PDZD4: variants seen among roughly 807,000 people sequenced by gnomAD.
PDZD4 encodes the protein PDZ domain-containing protein 4.
PDZD4 carries 9 observed loss-of-function variants against 38.5 expected under a neutral mutation model. The observed-to-expected ratio is 0.23, with a 90% CI of 0.14 to 0.41. The LOEUF is 0.41. PDZD4 is among the 10% of genes least tolerant of loss of function. The pLI, the probability that PDZD4 is intolerant of heterozygous loss-of-function variation, is 1.00. For synonymous variants in PDZD4, 349 were observed against 315.7 expected, an observed-to-expected ratio of 1.11 and a Z score of -1.12; for missense variants, 612 against 722.0, an observed-to-expected ratio of 0.85 and a Z score of 1.75.
Position 153,802,448 on chromosome X carries a change from T to A in PDZD4, c.*905A>T, listed in dbSNP as rs782498615. On this transcript the variant is annotated 3_prime_UTR_variant, in exon 8 of 8. Transcript: ENST00000393758. ...TCATGGGGCTTGGTTTCTAGAGCCC[T>A]CACCATCTAAGCACCTTCCTCAGTT... 2 of 111,470 alleles carry A rather than the reference T, an allele frequency of 1.8e-5. No individual in the cohort carries two copies. Among genetic ancestry groups the A allele is most frequent in the Admixed American group, 1.9e-4 (2 of 10,553 alleles). 9.2% of individuals were successfully genotyped at this position (111,470 alleles called of 1,213,427 possible).
In PDZD4 at chrX:153,804,011, T is replaced by C; in HGVS notation, c.1670A>G (p.Lys557Arg). 8.6e-7 allele frequency: 1 copy of C among 1,161,342 alleles called. No homozygotes were observed. The highest frequency in any genetic ancestry group is 1.1e-6 in the Non-Finnish European group (1 of 871,417). ...HAEERGRRNPKTGLTLERVGP... is the reference protein window; with the variant it reads ...HAEERGRRNPRTGLTLERVGP... ...CACACGCTCCAGGGTCAACCCCGTC[T>C]TGGGGTTGCGGCGGCCGCGCTCCTC... The change falls in exon 8 of 8, where the codon AAG becomes AGG. Residue 557 changes from lysine (K) to arginine (R), a missense_variant. Transcript: ENST00000393758.
rs376825546 is a variant in PDZD4 at position 153,804,891 on chromosome X, C to T, written c.790G>A (p.Glu264Lys). The change falls in exon 8 of 8, where the codon GAA (glutamate) becomes AAA (lysine). Residue 264 changes from glutamate to lysine, a missense_variant. Physicochemically the swap from Glu to Lys is moderately conservative, Grantham distance 56. Coordinates refer to ENST00000393758, the MANE Select transcript of PDZD4 (RefSeq NM_001303512.2). ...KSPPAQQPGN[E>K]EEKGAPDAGP... ...GCATCGGGAGCCCCCTTCTCCTCTT[C>T]GTTTCCGGGCTAGAGCAGAAAGGTA... is the stretch of plus-strand genomic sequence containing the variant. 4.1e-6 allele frequency: 5 copies of T among 1,206,044 alleles called. No homozygotes were observed. Among genetic ancestry groups the T allele is most frequent in the Non-Finnish European group, 5.6e-6 (5 of 892,798 alleles).
intron 4 of PDZD4, 76 bp from the exon 5 acceptor site, chrX:153,806,209 G>A (rs1035002358): frequency 9.6e-7 from 1 of 1,039,405 alleles, no homozygotes. Context: ...TCACCTCAGG[G>A]GCCCCCAAAG....
chrX:153,804,811 G>A lies in PDZD4; in HGVS notation c.870C>T (p.Asp290=), dbSNP rs1027052477. The A allele has an allele frequency of 1.7e-6, 2 of 1,211,502 alleles. No homozygotes were observed. The highest frequency in any genetic ancestry group is 3.0e-5 in the East Asian group (1 of 33,853). Residue 290 remains aspartate, a synonymous_variant, in exon 8 of 8, where the codon GAC becomes GAT. Coordinates refer to ENST00000393758, the MANE Select transcript of PDZD4 (RefSeq NM_001303512.2). ...QELDSGVGRT[D]ESTRNEESSE... ...AGCTCTCTTCGTTCCGGGTGCTCTC[G>A]TCAGTCCGGCCCACCCCGCTGTCCA...
At position 153,803,491 on chromosome X, in the gene PDZD4, G is replaced by A. The variant is rs1279804723; in HGVS notation, c.2190C>T (p.Ser730=). 3.4e-5 allele frequency: 40 copies of A among 1,175,445 alleles called. No individual in the cohort carries two copies. The highest frequency in any genetic ancestry group is 4.2e-5 in the Non-Finnish European group (37 of 876,770). ...TCCGCTTCTTCATGGTTTTGCGGTG[G>A]CTCAGGGCAATGATGTTGAGCTCGG... ...SKPELNIIAL[S]HRKTMKKRNK... is the part of the protein sequence containing the mutation. The change falls in exon 8 of 8, where the codon AGC becomes AGT. Residue 730 remains serine, a synonymous_variant. Transcript: ENST00000393758.
At chrX:153,828,810 G>A (rs1419948835) in intron 1 of PDZD4, among the ~76,000 whole-genome samples, 1 of 112,091 alleles carries the variant, frequency 8.9e-6, no homozygotes, top group Non-Finnish European at 1.9e-5. Context: ...GGAAGCAGGA[G>A]GATGGGATCC....
At chrX:153,829,541 C>G in intron 1 of PDZD4, 2 of 173,922 alleles carry the variant, frequency 1.1e-5, no homozygotes, top group Non-Finnish European at 1.8e-5. Flanking sequence ...CAGGAACGCA[C>G]TCACGTAGTC....
chrX:153,804,603 A>G lies in PDZD4; in HGVS notation c.1078T>C (p.Tyr360His). 1.7e-6 allele frequency: 2 copies of G among 1,207,455 alleles called. No homozygotes were observed. Among genetic ancestry groups the G allele is most frequent in the Non-Finnish European group, 2.2e-6 (2 of 894,706 alleles). ...TCCAGGAGCTCACGGTAGCGCTCATACTCCTCATCCGTGAGGCCCGGGACG... is the reference window on the plus strand; with the variant it reads ...TCCAGGAGCTCACGGTAGCGCTCATGCTCCTCATCCGTGAGGCCCGGGACG... The part of the protein sequence containing the change: ...GDVPGLTDEE[Y>H]ERYRELLEIK... The change falls in exon 8 of 8, where the codon TAT becomes CAT. Residue 360 changes from tyrosine to histidine, a missense_variant. Coordinates refer to ENST00000393758, the MANE Select transcript of PDZD4 (RefSeq NM_001303512.2).
Position 153,803,712 on chromosome X carries a change from G to A in PDZD4, c.1969C>T (p.Leu657=), listed in dbSNP as rs2092190756. The stretch of plus-strand genomic sequence containing the variant: ...CCGCTGCGCTCCTCCCGGATCTTCA[G>A]GGCACGGGCTTTCAGCAGCCGATCT... The part of the protein sequence containing the change: ...VRDRLLKARA[L]KIREERSGMT... The change falls in exon 8 of 8, where the codon CTG becomes TTG. Residue 657 remains leucine, a synonymous_variant. Coordinates refer to ENST00000393758, the MANE Select transcript of PDZD4 (RefSeq NM_001303512.2). 6.6e-6 allele frequency: 8 copies of A among 1,209,036 alleles called. No homozygotes were observed. The highest frequency in any genetic ancestry group is 4.3e-5 in the Admixed American group (2 of 46,058).
At chrX:153,808,655 CAAGGCAGAGG>C in intron 1 of PDZD4, 60 bp from the exon 2 acceptor site, 1 of 1,084,071 alleles carries the variant, frequency 9.2e-7, no homozygotes, top group Non-Finnish European at 1.2e-6. Flanking sequence ...CCTCTGAGGT[CAAGGCAGAGG>C]CCCTAGCTGG....
chrX:153,830,482 C>G lies in PDZD4; in HGVS notation c.-184G>C. 2.7e-6 allele frequency: 1 copy of G among 368,898 alleles called. No individual in the cohort carries two copies. The allele number at this position is 368,898 out of a possible 1,213,427, so 30.4% of individuals were successfully genotyped here. ...GGCAGCGGCTCGCCCCTCAGGTTAA[C>G]TCTTCGCTGGCCGAGGCCAGGCGCG... On this transcript the variant is annotated 5_prime_UTR_variant, in exon 1 of 8. Coordinates refer to ENST00000393758, the MANE Select transcript of PDZD4 (RefSeq NM_001303512.2).
chrX:153,818,649 C>T (rs1187843228), intron 1 of PDZD4, among the ~76,000 whole-genome samples: 1 of 95,795 alleles, frequency 1.0e-5, no homozygotes, highest in East Asian at 4.0e-4. Context: ...GGTCGGAGCC[C>T]GGGAGGGGAG....
At chrX:153,809,931 A>G (rs2064292594) in intron 1 of PDZD4, among the ~76,000 whole-genome samples, 1 of 112,951 alleles carries the variant, frequency 8.9e-6, no homozygotes, top group South Asian at 3.6e-4. Context: ...CCCATTACGC[A>G]CAGCGCAGGT....
intron 1 of PDZD4, among the ~76,000 whole-genome samples, chrX:153,809,275 AAG>A (rs1296285011): frequency 8.0e-5 from 9 of 112,675 alleles, no homozygotes; most frequent in Non-Finnish European, 1.9e-5. Context: ...AAGAGGTGCC[AAG>A]AAAGTGGTCC....
At chrX:153,819,344 C>G (rs1435342811) in intron 1 of PDZD4, among the ~76,000 whole-genome samples, 1 of 112,941 alleles carries the variant, frequency 8.9e-6, no homozygotes, top group Non-Finnish European at 1.9e-5. Context: ...TCTGGGAAGC[C>G]GAGAAGAGAG....
At chrX:153,827,684 G>T (rs1203447340) in intron 1 of PDZD4, among the ~76,000 whole-genome samples, 1 of 111,789 alleles carries the variant, frequency 8.9e-6, no homozygotes, top group African/African-American at 3.3e-5. Flanking sequence ...GGTGCCAGGG[G>T]CTAGGAAGTT....
In PDZD4 at chrX:153,803,345, C is replaced by T. The variant is rs1557075225; in HGVS notation, c.*8G>A. On this transcript the variant is annotated 3_prime_UTR_variant, in exon 8 of 8. Transcript: ENST00000393758. ...CCTGGGCCTGGGCCGTGTACCCGCCCGGGCAGCTCACACGGTGGTGACTGA... is the reference window on the plus strand; with the variant it reads ...CCTGGGCCTGGGCCGTGTACCCGCCTGGGCAGCTCACACGGTGGTGACTGA... 3 of 1,130,016 alleles carry T rather than the reference C, an allele frequency of 2.7e-6. No individual in the cohort carries two copies. The highest frequency in any genetic ancestry group is 6.1e-5 in the East Asian group (2 of 32,833). The allele number at this position is 1,130,016 out of a possible 1,213,427, so 93.1% of individuals were successfully genotyped here.
At chrX:153,807,605 C>T (rs1557077517) in intron 2 of PDZD4, among the ~76,000 whole-genome samples, 2 of 107,125 alleles carry the variant, frequency 1.9e-5, no homozygotes, top group Non-Finnish European at 3.9e-5. Flanking sequence ...AGGACCTGCG[C>T]ATGCCTCTAG....
intron 1 of PDZD4, among the ~76,000 whole-genome samples, chrX:153,828,755 C>T (rs958497743): frequency 4.5e-5 from 5 of 112,260 alleles, no homozygotes; most frequent in African/African-American, 1.6e-4. Context: ...CCGGAGGAAT[C>T]GCTTGGAGAA....
Sources: gnomAD v4.1 joint callset for allele counts (sites outside exome capture counted in the v4.1 genomes callset) on GRCh38, gnomAD v4.1.1 for gene constraint, MANE v1.5 for transcripts, NCBI Gene and HGNC (gene_info 2026-07-23, HGNC 2026-07-21) for gene names.